Variants in SFT2D2 observed in about 807,000 individuals in gnomAD.
The protein encoded by SFT2D2 is vesicle transport protein SFT2B.
In SFT2D2, 21 loss-of-function variants were observed where a neutral mutation model predicts 27.4. The observed-to-expected ratio is 0.77, with a 90% confidence interval of 0.54 to 1.10. SFT2D2 has a LOEUF of 1.10. Ranked by LOEUF, SFT2D2 falls within the 50% of genes least tolerant of loss-of-function variation. The pLI is 0.00. For missense variants in SFT2D2, 187 were observed against 194.2 expected (o/e 0.96, Z 0.22); for synonymous variants, 72 against 71.7 (o/e 1.00, Z -0.02).
At chr1:168,232,132 C>T (rs753369544) in intron 3 of SFT2D2, among the ~76,000 whole-genome samples, 3 of 152,144 alleles carry the variant, frequency 2.0e-5, no homozygotes, top group Non-Finnish European at 4.4e-5. Context: ...GTTTTGCCAT[C>T]GTGATTTTAC....
Position 168,246,823 on chromosome 1 carries a change from A to G in SFT2D2, c.*4283A>G, listed in dbSNP as rs1217150461. On this transcript the variant is annotated 3_prime_UTR_variant, in exon 8 of 8. Transcript: ENST00000271375. ...CTATAATGGGCTATCGTTTTTGTTG[A>G]TTTTTCCCCATTCTGTTTTAGAGCC... 1.5e-6 allele frequency: 1 copy of G among 672,342 alleles called. No homozygotes were observed. Among genetic ancestry groups the G allele is most frequent in the Non-Finnish European group, 2.6e-6 (1 of 387,554 alleles). 41.6% of individuals were successfully genotyped at this position (672,342 alleles called of 1,614,324 possible).
At position 168,242,557 on chromosome 1, in the gene SFT2D2, T is replaced by C. The variant is rs1647678267; in HGVS notation, c.*17T>C. On this transcript the variant is annotated 3_prime_UTR_variant, in exon 8 of 8. Coordinates refer to ENST00000271375, the MANE Select transcript of SFT2D2 (RefSeq NM_199344.3). Reference sequence around the variant, plus strand: ...CTTGCATAATTCATGGCCAGTTTTATGAAGCTTTGGAAGGCACTATGGACA... The same window carrying C: ...CTTGCATAATTCATGGCCAGTTTTACGAAGCTTTGGAAGGCACTATGGACA... 1 of 1,614,112 alleles carries C rather than the reference T, an allele frequency of 6.2e-7. No homozygotes were observed. Among genetic ancestry groups the C allele is most frequent in the African/African-American group, 1.3e-5 (1 of 74,944 alleles).
In SFT2D2 at chr1:168,250,168, A is replaced by G. The variant is rs1254275201; in HGVS notation, c.*7628A>G. ...CCAGTTTGCTCAGACAGCTCCCATC[A>G]GGACACCATTGGCAGCTTTTGCATG... On this transcript the variant is annotated 3_prime_UTR_variant, in exon 8 of 8. Coordinates refer to ENST00000271375, the MANE Select transcript of SFT2D2 (RefSeq NM_199344.3). 1 of 152,204 alleles carries G rather than the reference A, an allele frequency of 6.6e-6. No homozygotes were observed. The highest frequency in any genetic ancestry group is 1.5e-5 in the Non-Finnish European group (1 of 68,030). 9.4% of individuals were successfully genotyped at this position (152,204 alleles called of 1,614,324 possible).
At position 168,245,020 on chromosome 1, in the gene SFT2D2, A is replaced by G. The variant is rs974313312; in HGVS notation, c.*2480A>G. ...TGAATGTTTTCCCCTAAGATTGAGA[A>G]TAAGACAGAGATGTCAACTCTTACC... is the stretch of plus-strand genomic sequence containing the variant. On this transcript the variant is annotated 3_prime_UTR_variant, in exon 8 of 8. Coordinates refer to ENST00000271375, the MANE Select transcript of SFT2D2 (RefSeq NM_199344.3). 4 of 152,230 alleles carry G rather than the reference A, an allele frequency of 2.6e-5. No individual in the cohort carries two copies. Among genetic ancestry groups the G allele is most frequent in the African/African-American group, 9.6e-5 (4 of 41,452 alleles). 9.4% of individuals were successfully genotyped at this position (152,230 alleles called of 1,614,324 possible).
At chr1:168,226,573 C>T (rs1231728427) in intron 1 of SFT2D2, among the ~76,000 whole-genome samples, 4 of 151,796 alleles carry the variant, frequency 2.6e-5, no homozygotes, top group Non-Finnish European at 5.9e-5. Context: ...CGGTCCCTAC[C>T]TCGCGACGGG....
At chr1:168,237,800 T>G (rs1016207331) in intron 6 of SFT2D2, among the ~76,000 whole-genome samples, 6 of 152,118 alleles carry the variant, frequency 3.9e-5, no homozygotes, top group African/African-American at 1.2e-4. Context: ...TCTGTACATG[T>G]TAAGTATAAG....
chr1:168,251,457 T>C lies in SFT2D2; in HGVS notation c.*8917T>C, dbSNP rs1647949953. The C allele has an allele frequency of 6.6e-6, 1 of 152,232 alleles. No homozygotes were observed. Among genetic ancestry groups the C allele is most frequent in the African/African-American group, 2.4e-5 (1 of 41,458 alleles). The allele number at this position is 152,232 out of a possible 1,614,324, so 9.4% of individuals were successfully genotyped here. A position where few individuals can be genotyped will look rare whatever the true frequency, so the allele number is the denominator to read the frequency against. ...AGTGACAGATTTGCATCATGAGACTTAGTGGAATGAATTGGGAAATTGAAG... is the reference window on the plus strand; with the variant it reads ...AGTGACAGATTTGCATCATGAGACTCAGTGGAATGAATTGGGAAATTGAAG... On this transcript the variant is annotated 3_prime_UTR_variant, in exon 8 of 8. Coordinates refer to ENST00000271375, the MANE Select transcript of SFT2D2 (RefSeq NM_199344.3).
chr1:168,235,283 G>A (rs560432887), intron 4 of SFT2D2, 101 bp downstream of exon 4: 162 of 1,165,408 alleles, frequency 1.4e-4, no homozygotes, highest in East Asian at 3.3e-4. Flanking sequence ...CTCTTTTTCC[G>A]TTCAGCTTGA....
chr1:168,236,311 G>A (rs926714420), intron 4 of SFT2D2, among the ~76,000 whole-genome samples: 2 of 152,208 alleles, frequency 1.3e-5, no homozygotes, highest in African/African-American at 4.8e-5. Flanking sequence ...ATGGATGGAC[G>A]GATGAATGGG....
Position 168,250,814 on chromosome 1 carries a change from A to G in SFT2D2, c.*8274A>G, listed in dbSNP as rs11800493. On this transcript the variant is annotated 3_prime_UTR_variant, in exon 8 of 8. Coordinates refer to ENST00000271375, the MANE Select transcript of SFT2D2 (RefSeq NM_199344.3). ...TAGCCGTAGCTCAGATCCTAGCTCA[A>G]GATGTCTTGTCTGGGAAGGGCAAAA... The G allele has an allele frequency of 0.55, 84,073 of 151,912 alleles. 24,468 individuals carry two copies. The highest frequency in any genetic ancestry group is 0.66 in the Non-Finnish European group (44,909 of 67,962). The allele number at this position is 151,912 out of a possible 1,614,324, so 9.4% of individuals were successfully genotyped here.
At position 168,243,454 on chromosome 1, in the gene SFT2D2, A is replaced by C. The variant is rs1225651812; in HGVS notation, c.*914A>C. ...GGCCAGGGGAGAGTGGGGTGGGAAG[A>C]CAGATCCCTGCTGTGCAGCCAGCAG... is the stretch of plus-strand genomic sequence containing the variant. On this transcript the variant is annotated 3_prime_UTR_variant, in exon 8 of 8. Coordinates refer to ENST00000271375, the MANE Select transcript of SFT2D2 (RefSeq NM_199344.3). The C allele has an allele frequency of 6.6e-6, 1 of 152,196 alleles. No individual in the cohort carries two copies. Among genetic ancestry groups the C allele is most frequent in the African/African-American group, 2.4e-5 (1 of 41,432 alleles). 9.4% of individuals were successfully genotyped at this position (152,196 alleles called of 1,614,324 possible). A position where few individuals can be genotyped will look rare whatever the true frequency, so the allele number is the denominator to read the frequency against.
rs529142374 is a variant in SFT2D2 at position 168,231,758 on chromosome 1, G to T, written c.151-76G>T. On this transcript the variant is annotated intron_variant, in intron 2 of 7. Coordinates refer to ENST00000271375, the MANE Select transcript of SFT2D2 (RefSeq NM_199344.3). ...TGGGGAGGGAAACGGACTCCTCAGG[G>T]CTTCCTCTGGGAGCTCTGCTTGTGT... 1,592 of 1,512,320 alleles carry T rather than the reference G, an allele frequency of 1.1e-3. 5 individuals carry two copies. Among genetic ancestry groups the T allele is most frequent in the South Asian group, 2.4e-3 (217 of 88,924 alleles). The allele number at this position is 1,512,320 out of a possible 1,614,324, so 93.7% of individuals were successfully genotyped here. A position where few individuals can be genotyped will look rare whatever the true frequency, so the allele number is the denominator to read the frequency against.
intron 1 of SFT2D2, among the ~76,000 whole-genome samples, chr1:168,227,901 A>T (rs1196686156): frequency 6.6e-6 from 1 of 152,258 alleles, no homozygotes; most frequent in African/African-American, 2.4e-5. Context: ...TCAACAGTGG[A>T]CGACTAGTAA....
Position 168,241,724 on chromosome 1 carries a change from ACT to A in SFT2D2, c.444-774_444-773del, listed in dbSNP as rs1350991776. ...GCCATAAAACCCTTCTTGTGCAGAG[ACT>A]CTTCTGAGACTACAGTGCAGAGTAT... On this transcript the variant is annotated intron_variant, in intron 7 of 7. Coordinates refer to ENST00000271375, the MANE Select transcript of SFT2D2 (RefSeq NM_199344.3). Among the ~76,000 whole-genome samples the A allele has an allele frequency of 2.0e-5, 3 of 151,928 alleles. No homozygotes were observed. In the East Asian group the frequency reaches 5.8e-4, roughly 29 times the overall value.
At chr1:168,238,998 T>TC in intron 6 of SFT2D2, 133 bp from the exon 7 acceptor site, 2 of 714,936 alleles carry the variant, frequency 2.8e-6, no homozygotes, top group African/African-American at 1.8e-5. Context: ...CACATGCTCA[T>TC]CCCCCAGGCT....
At position 168,231,937 on chromosome 1, in the gene SFT2D2, A is replaced by G. The variant is rs768134975; in HGVS notation, c.236+18A>G. The stretch of plus-strand genomic sequence containing the variant: ...ATTGGGAGGTAACTGTTTTTTAAAA[A>G]TCCAATTTTAGCCAATCATTAGATG... On this transcript the variant is annotated intron_variant, in intron 3 of 7. Coordinates refer to ENST00000271375, the MANE Select transcript of SFT2D2 (RefSeq NM_199344.3). The G allele has an allele frequency of 6.2e-7, 1 of 1,609,384 alleles. No homozygotes were observed. Among genetic ancestry groups the G allele is most frequent in the South Asian group, 1.1e-5 (1 of 90,942 alleles).
chr1:168,242,712 C>T lies in SFT2D2; in HGVS notation c.*172C>T, dbSNP rs961535252. 2.7e-6 allele frequency: 2 copies of T among 739,374 alleles called. No individual in the cohort carries two copies. Among genetic ancestry groups the T allele is most frequent in the African/African-American group, 3.5e-5 (2 of 57,478 alleles). The allele number at this position is 739,374 out of a possible 1,614,324, so 45.8% of individuals were successfully genotyped here. A position where few individuals can be genotyped will look rare whatever the true frequency, so the allele number is the denominator to read the frequency against. ...TTACTTTTGGAAGCAACAATACATTCTCGAACCTGAATGTCAGTAGCACAG... is the reference window on the plus strand; with the variant it reads ...TTACTTTTGGAAGCAACAATACATTTTCGAACCTGAATGTCAGTAGCACAG... On this transcript the variant is annotated 3_prime_UTR_variant, in exon 8 of 8. Transcript: ENST00000271375.
chr1:168,228,692 G>GT (rs1700484882), intron 1 of SFT2D2, among the ~76,000 whole-genome samples: 1 of 152,124 alleles, frequency 6.6e-6, no homozygotes, highest in Non-Finnish European at 1.5e-5. Context: ...TACCAATCCT[G>GT]TTTTTCTGAA....
At position 168,237,971 on chromosome 1, in the gene SFT2D2, A is replaced by G. The variant is rs139547248; in HGVS notation, c.414-1160A>G. Among the ~76,000 whole-genome samples the G allele has an allele frequency of 9.4e-3, 1,432 of 151,890 alleles. 17 individuals carry two copies. Among genetic ancestry groups the G allele is most frequent in the African/African-American group, 0.031 (1,297 of 41,386 alleles). On this transcript the variant is annotated intron_variant, in intron 6 of 7. Transcript: ENST00000271375. ...TATATACACACACCTTGCTTTGCTT[A>G]TAGACTGATTTTGAATCCAGTTTCA... is the stretch of plus-strand genomic sequence containing the variant.
Sources: allele counts gnomAD v4.1 joint callset (sites outside exome capture counted in the v4.1 genomes callset), GRCh38; gene constraint gnomAD v4.1.1; transcripts MANE v1.5; gene names NCBI Gene and HGNC (gene_info 2026-07-23, HGNC 2026-07-21).